The following ZNF644 variants were observed in gnomAD, a reference collection of about 807,000 sequenced individuals.
ZNF644 encodes the protein zinc finger protein 644, also known as zinc finger motif enhancer binding protein 2.
A neutral mutation model predicts 108.0 loss-of-function variants in ZNF644; 20 were observed. The observed-to-expected ratio is 0.19, with a 90% CI of 0.13 to 0.27. The LOEUF (loss-of-function observed/expected upper bound fraction) is 0.27. ZNF644 is among the 10% of genes least tolerant of loss of function. ZNF644 has a pLI of 1.00. For synonymous variants in ZNF644, 542 were observed against 539.1 expected (o/e 1.01, Z -0.08); for missense variants, 1,338 against 1,548.9 (o/e 0.86, Z 2.29).
chr1:90,918,952 G>C (rs2100768797), intron 4 of ZNF644, among the ~76,000 whole-genome samples: 1 of 151,044 alleles, frequency 6.6e-6, no homozygotes, highest in Admixed American at 6.6e-5. Context: ...TTCTCCAACT[G>C]CTTATTTTAA....
At chr1:91,001,471 A>C (rs183517564) in intron 1 of ZNF644, among the ~76,000 whole-genome samples, 1 of 152,178 alleles carries the variant, frequency 6.6e-6, no homozygotes, top group South Asian at 2.1e-4. Context: ...AAAGGCCTTC[A>C]ACAAAATTCA....
intron 2 of ZNF644, among the ~76,000 whole-genome samples, chr1:90,978,124 G>A (rs987590851): frequency 3.9e-5 from 6 of 152,186 alleles, no homozygotes; most frequent in Non-Finnish European, 7.3e-5. Context: ...GGCTGAGGCC[G>A]GTGGATCGCC....
At chr1:90,954,361 T>TC (rs1393736719) in intron 2 of ZNF644, among the ~76,000 whole-genome samples, 1 of 152,114 alleles carries the variant, frequency 6.6e-6, no homozygotes, top group Non-Finnish European at 1.5e-5. Flanking sequence ...TCTCATCTGA[T>TC]CAGGTTTTAT....
chr1:91,006,411 A>T (rs1557657345), intron 1 of ZNF644, among the ~76,000 whole-genome samples: 1 of 152,172 alleles, frequency 6.6e-6, no homozygotes, highest in Non-Finnish European at 1.5e-5. Flanking sequence ...TCTGTCTCAT[A>T]AAAACAAACA....
intron 1 of ZNF644, among the ~76,000 whole-genome samples, chr1:91,007,413 C>T (rs140056449): frequency 6.8e-4 from 103 of 151,852 alleles, no homozygotes; most frequent in African/African-American, 2.3e-3. Flanking sequence ...AGGGTTTTAC[C>T]ATGTTGGCCA....
chr1:90,947,010 C>T (rs1652583791), intron 2 of ZNF644, among the ~76,000 whole-genome samples: 1 of 152,094 alleles, frequency 6.6e-6, no homozygotes, highest in Admixed American at 6.6e-5. Flanking sequence ...TAAACGGAAG[C>T]AGGTAACTGT....
intron 1 of ZNF644, among the ~76,000 whole-genome samples, chr1:90,997,693 G>A (rs1051394578): frequency 6.6e-6 from 1 of 152,184 alleles, no homozygotes; most frequent in African/African-American, 2.4e-5. Flanking sequence ...TCACTGGGGA[G>A]TGGTGGACAG....
Position 90,941,111 on chromosome 1 carries a change from G to C in ZNF644, c.243C>G (p.Asp81Glu). ...TLTLPEELSK[D>E]KSENALSGGQ... ...CTCCACTTAAGGCGTTTTCAGATTT[G>C]TCCTTTGACAGTTCTTCAGGCAGAG... The change falls in exon 3 of 6, where the codon GAC becomes GAG. Residue 81 changes from aspartate to glutamate, a missense_variant. Physicochemically the swap from Asp to Glu is conservative, Grantham distance 45. Around this residue, in one of 6 missense-constraint regions of ZNF644, gnomAD observed 464 missense variants for 457.9 expected, o/e 1.01. Coordinates refer to ENST00000337393, the MANE Select transcript of ZNF644 (RefSeq NM_201269.3). The C allele has an allele frequency of 2.5e-6, 4 of 1,614,050 alleles. No individual in the cohort carries two copies. Among genetic ancestry groups the C allele is most frequent in the Non-Finnish European group, 3.4e-6 (4 of 1,179,938 alleles).
At chr1:90,935,903 C>T (rs1026051210) in intron 4 of ZNF644, among the ~76,000 whole-genome samples, 2 of 151,932 alleles carry the variant, frequency 1.3e-5, no homozygotes, top group Non-Finnish European at 1.5e-5. Flanking sequence ...ACAACATTAC[C>T]AATAAAAAGA....
At position 90,940,810 on chromosome 1, in the gene ZNF644, C is replaced by G; in HGVS notation, c.544G>C (p.Ala182Pro). ...HQVLFLLSDV[A>P]HAKNPTHSNK... ...GAATGGGTGGGATTCTTAGCATGTG[C>G]TACATCTGATAACAAAAATAAAACT... The change falls in exon 3 of 6, where the codon GCA becomes CCA. Residue 182 changes from alanine to proline, a missense_variant. By Grantham distance (27) the Ala-to-Pro change is conservative (BLOSUM62 -1). This residue lies in a region of ZNF644 where 464 missense variants were observed against 457.9 expected (regional missense o/e 1.01). Transcript: ENST00000337393. 2 of 1,613,918 alleles carry G rather than the reference C, an allele frequency of 1.2e-6. No individual in the cohort carries two copies. The highest frequency in any genetic ancestry group is 1.7e-6 in the Non-Finnish European group (2 of 1,179,962).
At chr1:90,967,966 C>A (rs1472813881) in intron 2 of ZNF644, among the ~76,000 whole-genome samples, 1 of 142,532 alleles carries the variant, frequency 7.0e-6, no homozygotes, top group Non-Finnish European at 1.5e-5. Context: ...GAGGCTGAGG[C>A]AGGAGAATTG....
intron 4 of ZNF644, among the ~76,000 whole-genome samples, chr1:90,923,053 A>C (rs1031275059): frequency 2.6e-5 from 4 of 152,168 alleles, no homozygotes; most frequent in African/African-American, 9.7e-5. Context: ...AGAGAAAGCC[A>C]ATTGCTGAGA....
chr1:90,978,564 G>C (rs971725645), intron 2 of ZNF644, among the ~76,000 whole-genome samples: 7 of 152,134 alleles, frequency 4.6e-5, no homozygotes, highest in Non-Finnish European at 8.8e-5. Context: ...TTAGAAATTA[G>C]AGAAATTAAT....
intron 1 of ZNF644, among the ~76,000 whole-genome samples, chr1:90,988,089 C>A (rs1657285661): frequency 6.6e-6 from 1 of 151,978 alleles, no homozygotes; most frequent in Non-Finnish European, 1.5e-5. Context: ...GAATAAAATG[C>A]ATTCAAATTG....
At chr1:91,016,372 C>T (rs543472512) in intron 1 of ZNF644, among the ~76,000 whole-genome samples, 1 of 152,266 alleles carries the variant, frequency 6.6e-6, no homozygotes, top group Non-Finnish European at 1.5e-5. Context: ...CTCAAACAAA[C>T]CTAGATGGTA....
intron 1 of ZNF644, among the ~76,000 whole-genome samples, chr1:91,015,857 T>A (rs1660387101): frequency 6.6e-6 from 1 of 152,172 alleles, no homozygotes; most frequent in Non-Finnish European, 1.5e-5. Flanking sequence ...ACAATGGTAA[T>A]AATAACTATT....
intron 1 of ZNF644, among the ~76,000 whole-genome samples, chr1:91,010,290 G>A (rs1354303028): frequency 6.9e-6 from 1 of 145,724 alleles, no homozygotes; most frequent in Non-Finnish European, 1.5e-5. Flanking sequence ...CCCAGGCTGA[G>A]TGCAGTGGCA....
At chr1:91,014,692 G>A (rs1464529579) in intron 1 of ZNF644, among the ~76,000 whole-genome samples, 1 of 152,078 alleles carries the variant, frequency 6.6e-6, no homozygotes, top group Non-Finnish European at 1.5e-5. Flanking sequence ...AAGACAAAGA[G>A]CCTTTATATG....
intron 1 of ZNF644, among the ~76,000 whole-genome samples, chr1:91,017,259 C>T (rs1660510651): frequency 6.6e-6 from 1 of 152,190 alleles, no homozygotes; most frequent in African/African-American, 2.4e-5. Context: ...TCTAGGCTAA[C>T]AGAATTAAGC....
Sources: gnomAD v4.1 joint callset for allele counts (sites outside exome capture counted in the v4.1 genomes callset) on GRCh38, gnomAD v4.1.1 for gene constraint, gnomAD v4.1.1 regional missense constraint, MANE v1.5 for transcripts, NCBI Gene and HGNC (gene_info 2026-07-23, HGNC 2026-07-21) for gene names.